The following LINGO2 variants were observed in gnomAD, a reference collection of about 807,000 sequenced individuals.
LINGO2 encodes leucine rich repeat and Ig domain containing 2, also known as leucine-rich repeat and immunoglobulin-like domain-containing nogo receptor-interacting protein 2.
A neutral mutation model predicts 30.6 loss-of-function variants in LINGO2; 14 were observed. That is an observed-to-expected ratio of 0.46 (90% CI 0.30 to 0.72). The LOEUF (loss-of-function observed/expected upper bound fraction) is 0.72. LINGO2 is among the 30% of genes least tolerant of loss of function. The pLI is 0.07. For missense variants in LINGO2, 729 were observed against 751.7 expected, an observed-to-expected ratio of 0.97 and a Z score of 0.35; for synonymous variants, 317 against 288.5, an observed-to-expected ratio of 1.10 and a Z score of -1.00.
At chr9:28,688,862 A>G in the LINGO2 span, among the ~76,000 whole-genome samples, 1 of 152,164 alleles carries the variant, frequency 6.6e-6, no homozygotes, top group Non-Finnish European at 1.5e-5. Flanking sequence ...ATAACGTCCT[A>G]TAATATGTCA....
chr9:28,298,011 C>T (rs4319188), intron 3 of LINGO2, among the ~76,000 whole-genome samples: 4,200 of 152,186 alleles, frequency 0.028, 179 homozygotes, highest in African/African-American at 0.094. Context: ...AAATTAAATG[C>T]ATGTATTCTC....
chr9:28,805,317 G>A, the LINGO2 span, among the ~76,000 whole-genome samples: 1 of 152,140 alleles, frequency 6.6e-6, no homozygotes, highest in Non-Finnish European at 1.5e-5. Context: ...TCAGAGAACT[G>A]AGTTCTAGGT....
At chr9:28,241,750 C>A (rs1821808914) in intron 4 of LINGO2, among the ~76,000 whole-genome samples, 1 of 152,120 alleles carries the variant, frequency 6.6e-6, no homozygotes, top group African/African-American at 2.4e-5. Flanking sequence ...TCCTCAAGGC[C>A]AGAGATCCCA....
At chr9:29,167,330 C>G in the LINGO2 span, among the ~76,000 whole-genome samples, 1 of 152,074 alleles carries the variant, frequency 6.6e-6, no homozygotes, top group African/African-American at 2.4e-5. Context: ...AAATGTAGCA[C>G]TTCTGTTTTC....
At chr9:28,919,895 A>T in the LINGO2 span, among the ~76,000 whole-genome samples, 2 of 152,188 alleles carry the variant, frequency 1.3e-5, no homozygotes, top group East Asian at 3.8e-4. Flanking sequence ...TAATCACGCT[A>T]TAATGTAATT....
At chr9:27,982,159 T>C (rs1820910865) in intron 5 of LINGO2, among the ~76,000 whole-genome samples, 1 of 151,836 alleles carries the variant, frequency 6.6e-6, no homozygotes, top group Admixed American at 6.6e-5. Context: ...TATCTGAGCA[T>C]TTTAGTGAAG....
At chr9:28,026,575 C>CA in intron 4 of LINGO2, among the ~76,000 whole-genome samples, 1 of 152,282 alleles carries the variant, frequency 6.6e-6, no homozygotes, top group Non-Finnish European at 1.5e-5. Context: ...ATGGGGACCC[C>CA]AAGTTATAAA....
At chr9:28,164,685 A>T (rs1026695167) in intron 4 of LINGO2, among the ~76,000 whole-genome samples, 1 of 152,180 alleles carries the variant, frequency 6.6e-6, no homozygotes, top group African/African-American at 2.4e-5. Context: ...TTTGCAATAC[A>T]TCTGGTCTGC....
chr9:28,501,048 G>T (rs1194086228), intron 1 of LINGO2, among the ~76,000 whole-genome samples: 2 of 152,092 alleles, frequency 1.3e-5, no homozygotes, highest in Admixed American at 1.3e-4. Flanking sequence ...TCTACCAACT[G>T]CAGGTCCTTT....
intron 4 of LINGO2, among the ~76,000 whole-genome samples, chr9:28,145,768 A>T (rs979885071): frequency 1.1e-4 from 16 of 152,066 alleles, no homozygotes; most frequent in Admixed American, 3.3e-4. Flanking sequence ...TTTTTATACA[A>T]TTTTAAACAT....
rs150391726 is a variant in LINGO2, at chr9:27,950,660, C to T, written c.12G>A (p.Thr4=). The T allele has an allele frequency of 3.1e-4, 462 of 1,506,968 alleles. No homozygotes were observed. Among genetic ancestry groups the T allele is most frequent in the Non-Finnish European group, 4.0e-4 (447 of 1,128,116 alleles). The allele number at this position is 1,506,968 out of a possible 1,614,324, so 93.3% of individuals were successfully genotyped here. A position where few individuals can be genotyped will look rare whatever the true frequency, so the allele number is the denominator to read the frequency against. Residue 4 remains threonine (T), a synonymous_variant, in exon 6 of 6, where the codon ACG becomes ACA. Transcript: ENST00000379992. ...GGAATGGCTGCCAGCATGATATGGC[C>T]GTGTGAAGCATGACTCCACTTCTTA...
chr9:27,938,264 G>C, the LINGO2 span: 3 of 152,112 alleles, frequency 2.0e-5, no homozygotes, highest in Non-Finnish European at 2.9e-5. Flanking sequence ...TTAGATTCTA[G>C]CCGTAAAGAG....
intron 1 of LINGO2, among the ~76,000 whole-genome samples, chr9:28,661,010 A>C (rs572791504): frequency 2.0e-5 from 3 of 152,210 alleles, no homozygotes; most frequent in Admixed American, 6.5e-5. Flanking sequence ...GTAGACTGCA[A>C]AAATGTCCCA....
At chr9:29,087,029 CCA>C in the LINGO2 span, among the ~76,000 whole-genome samples, 1 of 152,120 alleles carries the variant, frequency 6.6e-6, no homozygotes, top group South Asian at 2.1e-4. Flanking sequence ...GTGCCTGCCA[CCA>C]CACCCCATTA....
intron 4 of LINGO2, among the ~76,000 whole-genome samples, chr9:28,138,193 G>T (rs1827570018): frequency 1.3e-5 from 2 of 152,082 alleles, no homozygotes; most frequent in South Asian, 4.1e-4. Flanking sequence ...TCAAGACTCT[G>T]GTCTGCACTA....
At chr9:28,603,318 T>C (rs1197145563) in intron 1 of LINGO2, among the ~76,000 whole-genome samples, 1 of 152,056 alleles carries the variant, frequency 6.6e-6, no homozygotes, top group Admixed American at 6.6e-5. Flanking sequence ...GTTATCTTTG[T>C]CTGTCTAGTA....
At chr9:28,998,658 G>C in the LINGO2 span, among the ~76,000 whole-genome samples, 2 of 151,908 alleles carry the variant, frequency 1.3e-5, 1 homozygote, top group East Asian at 3.9e-4. Flanking sequence ...TCCTAGTCAA[G>C]GTTAAGGATT....
At chr9:28,277,832 CAAAACAAAAAAAA>C (rs1418348887) in intron 4 of LINGO2, among the ~76,000 whole-genome samples, 16 of 93,742 alleles carry the variant, frequency 1.7e-4, no homozygotes, top group Admixed American at 3.2e-4. Context: ...CAAAACAAAA[CAAAACAAAAAAAA>C]AAAACAAAAA....
rs148475619 is a variant in LINGO2 at position 28,044,124 on chromosome 9, T to C, written c.-86-31719A>G. ...AGGAATGCTTGAATCAACTACACTA[T>C]GTGTGTTTGCTTAAATCTTGGGCAT... On this transcript the variant is annotated intron_variant, in intron 4 of 5. Coordinates refer to ENST00000379992, the Ensembl canonical transcript of LINGO2. 5.3e-3 allele frequency among the ~76,000 whole-genome samples: 807 copies of C among 152,262 alleles called. 5 individuals are homozygous for C. The highest frequency in any genetic ancestry group is 5.1e-3 in the Non-Finnish European group (349 of 68,020).
Sources: allele counts gnomAD v4.1 joint callset (sites outside exome capture counted in the v4.1 genomes callset), GRCh38; gene constraint gnomAD v4.1.1; transcripts MANE v1.5; gene names NCBI Gene and HGNC (gene_info 2026-07-23, HGNC 2026-07-21).